The following HYCC2 variants were observed in gnomAD, a reference collection of about 807,000 sequenced individuals.
HYCC2 encodes hyccin PI4KA lipid kinase complex subunit 2, also known as hyccin 2.
At chr2:201,020,254 C>G in the HYCC2 span, among the ~76,000 whole-genome samples, 2 of 152,118 alleles carry the variant, frequency 1.3e-5, no homozygotes, top group East Asian at 3.8e-4. Context: ...TAGAAAAAAT[C>G]ATAACTGACA....
At chr2:201,066,254 A>G in the HYCC2 span, among the ~76,000 whole-genome samples, 282 of 152,190 alleles carry the variant, frequency 1.9e-3, 3 homozygotes, top group African/African-American at 6.4e-3. Context: ...TTGTATTTTT[A>G]GTAGAGACAG....
At chr2:201,062,966 GC>G in the HYCC2 span, 1 of 1,197,272 alleles carries the variant, frequency 8.4e-7, no homozygotes, top group Non-Finnish European at 1.2e-6. Context: ...TGCTGCTGCT[GC>G]TATTACTATT....
the HYCC2 span, among the ~76,000 whole-genome samples, chr2:201,003,381 A>G: frequency 1.3e-5 from 2 of 152,242 alleles, no homozygotes; most frequent in African/African-American, 4.8e-5. Flanking sequence ...TGGGCTGGGA[A>G]GCTGAGGCAG....
At chr2:201,033,190 TGTGTGTGAGAGAGAGAGAGA>T in the HYCC2 span, among the ~76,000 whole-genome samples, 1 of 142,220 alleles carries the variant, frequency 7.0e-6, no homozygotes, top group African/African-American at 2.7e-5. Flanking sequence ...TGTGTGTGTG[TGTGTGTGAGAGAGAGAGAGA>T]GAGAGAGATG....
chr2:201,063,473 G>T, the HYCC2 span: 1 of 1,591,594 alleles, frequency 6.3e-7, no homozygotes, highest in Non-Finnish European at 8.5e-7. Context: ...TGAACAGTAT[G>T]GAAAAATTGA....
chr2:200,993,761 C>G, the HYCC2 span, among the ~76,000 whole-genome samples: 14 of 151,488 alleles, frequency 9.2e-5, no homozygotes, highest in Non-Finnish European at 2.9e-5. Flanking sequence ...GCAGGCGGAT[C>G]ACGAGGTCAG....
the HYCC2 span, among the ~76,000 whole-genome samples, chr2:201,002,821 CCA>C: frequency 4.5e-4 from 69 of 152,226 alleles, no homozygotes; most frequent in African/African-American, 1.6e-3. Context: ...CTGCACCCGG[CCA>C]CAGATATTAT....
the HYCC2 span, among the ~76,000 whole-genome samples, chr2:201,002,696 T>C: frequency 6.6e-6 from 1 of 152,124 alleles, no homozygotes. Flanking sequence ...CAGCTAATTT[T>C]TGTATTTTTA....
At chr2:201,023,711 T>C in the HYCC2 span, 7 of 292,710 alleles carry the variant, frequency 2.4e-5, no homozygotes, top group African/African-American at 4.4e-5. Context: ...TTTTAAAATA[T>C]CGTCTCATCA....
the HYCC2 span, among the ~76,000 whole-genome samples, chr2:201,051,085 T>C: frequency 2.0e-5 from 3 of 152,170 alleles, no homozygotes; most frequent in African/African-American, 7.2e-5. Flanking sequence ...GTACTATATA[T>C]AAAGAATACC....
chr2:201,052,533 G>A, the HYCC2 span, among the ~76,000 whole-genome samples: 1 of 151,612 alleles, frequency 6.6e-6, no homozygotes, highest in African/African-American at 2.4e-5. Flanking sequence ...ACTTGAACCT[G>A]GGAGGTTGAG....
the HYCC2 span, among the ~76,000 whole-genome samples, chr2:201,030,809 C>T: frequency 6.6e-6 from 1 of 152,108 alleles, no homozygotes; most frequent in Non-Finnish European, 1.5e-5. Flanking sequence ...AAACTCCTGA[C>T]CTCAGGTGAT....
chr2:201,067,092 C>A, the HYCC2 span: 3 of 290,282 alleles, frequency 1.0e-5, no homozygotes, highest in South Asian at 7.8e-5. Flanking sequence ...GAGCCAAGAT[C>A]AAGACCCTGA....
the HYCC2 span, among the ~76,000 whole-genome samples, chr2:201,024,222 G>A: frequency 3.4e-4 from 51 of 152,202 alleles, no homozygotes; most frequent in African/African-American, 1.2e-3. Context: ...TGGGCGTGGT[G>A]GCTCACACCT....
the HYCC2 span, chr2:200,981,415 T>C: frequency 6.2e-6 from 10 of 1,614,158 alleles, no homozygotes; most frequent in Non-Finnish European, 8.5e-6. The surrounding 1 kb of genome is among the most constrained non-coding windows in gnomAD (Gnocchi z 4.5). Context: ...TCGATTAGCA[T>C]TGTTGGCTGC....
the HYCC2 span, among the ~76,000 whole-genome samples, chr2:201,069,021 A>C: frequency 6.6e-6 from 1 of 152,194 alleles, no homozygotes; most frequent in African/African-American, 2.4e-5. Context: ...AAGGGGAAAA[A>C]AAAAGAACAA....
the HYCC2 span, among the ~76,000 whole-genome samples, chr2:200,984,324 G>C: frequency 6.6e-6 from 1 of 152,166 alleles, no homozygotes; most frequent in Non-Finnish European, 1.5e-5. Context: ...ATAGGCATGA[G>C]CCATCGTGCC....
chr2:201,038,452 A>G, the HYCC2 span, among the ~76,000 whole-genome samples: 2 of 152,232 alleles, frequency 1.3e-5, no homozygotes, highest in Non-Finnish European at 2.9e-5. Context: ...ATGTATGTTT[A>G]CTGCGGCACT....
chr2:200,993,109 T>C, the HYCC2 span: 12 of 760,512 alleles, frequency 1.6e-5, no homozygotes, highest in Admixed American at 1.3e-4. Context: ...CAAGTATATA[T>C]TGAGTGCCTG....
Sources: allele counts gnomAD v4.1 joint callset (sites outside exome capture counted in the v4.1 genomes callset), GRCh38; gene constraint gnomAD v4.1.1; non-coding constraint Gnocchi (gnomAD v3.1); transcripts MANE v1.5; gene names NCBI Gene and HGNC (gene_info 2026-07-23, HGNC 2026-07-21).